Variants in CCDC15 observed in about 807,000 individuals in gnomAD.
The protein encoded by CCDC15 is coiled-coil domain-containing protein 15.
A neutral mutation model predicts 114.5 loss-of-function variants in CCDC15; 105 were observed. The ratio of observed to expected loss-of-function variants is 0.92; its 90% CI spans 0.78 to 1.08. The LOEUF is 1.08. CCDC15 is among the 50% of genes least tolerant of loss of function. The pLI is 0.00. For missense variants in CCDC15, 1,105 were observed against 1,093.6 expected (o/e 1.01, Z -0.15); for synonymous variants, 334 against 377.8 (o/e 0.88, Z 1.34).
chr11:124,990,386 G>A (rs79595535), intron 8 of CCDC15, among the ~76,000 whole-genome samples: 3,825 of 152,246 alleles, frequency 0.025, 167 homozygotes, highest in African/African-American at 0.087. Context: ...CTGAACTATT[G>A]TGAAAATTTC....
At chr11:125,029,183 A>G (rs1169897680) in intron 13 of CCDC15, among the ~76,000 whole-genome samples, 1 of 152,124 alleles carries the variant, frequency 6.6e-6, no homozygotes, top group Non-Finnish European at 1.5e-5. Flanking sequence ...GCCCTTCCCA[A>G]CCCACTGACT....
intron 4 of CCDC15, among the ~76,000 whole-genome samples, chr11:124,961,563 A>G (rs769714071): frequency 6.6e-6 from 1 of 152,190 alleles, no homozygotes; most frequent in Non-Finnish European, 1.5e-5. Context: ...TCTGTTGCCC[A>G]TGCTGTAGTG....
chr11:124,958,986 T>G (rs1236597726), intron 2 of CCDC15, 129 bp from the exon 3 acceptor site: 1 of 566,262 alleles, frequency 1.8e-6, no homozygotes, highest in East Asian at 3.6e-5. Context: ...ACATTCCATT[T>G]TTTTTTGTAC....
chr11:124,990,101 CAT>C (rs1390357179), intron 8 of CCDC15, among the ~76,000 whole-genome samples: 3 of 152,162 alleles, frequency 2.0e-5, no homozygotes, highest in Non-Finnish European at 4.4e-5. Flanking sequence ...AAGTGGGAGA[CAT>C]GTGGTTCTTT....
intron 4 of CCDC15, among the ~76,000 whole-genome samples, chr11:124,962,912 T>C (rs1462659085): frequency 6.6e-6 from 1 of 152,220 alleles, no homozygotes; most frequent in Non-Finnish European, 1.5e-5. Flanking sequence ...TGGTTTTCTG[T>C]CCTTGAGATA....
intron 13 of CCDC15, among the ~76,000 whole-genome samples, chr11:125,025,015 T>TATATATGAATATATATATGAATAC (rs1290551216): frequency 7.0e-6 from 1 of 142,586 alleles, no homozygotes. Flanking sequence ...TATATGAATA[T>TATATATGAATATATATATGAATAC]ATATATGAAT....
Position 124,982,431 on chromosome 11 carries a change from T to G in CCDC15, c.754-4311T>G, listed in dbSNP as rs143001144. Among the ~76,000 whole-genome samples the G allele has an allele frequency of 9.0e-3, 1,375 of 152,354 alleles. 17 individuals are homozygous for G. The highest frequency in any genetic ancestry group is 0.015 in the Non-Finnish European group (1,026 of 68,030). On this transcript the variant is annotated intron_variant, in intron 6 of 15. Transcript: ENST00000344762. ...TTTTTGTAGTGGCCAGTAATAGTCTTTCCTTTCCATATTTAGCACTCTCTG... is the reference window on the plus strand; with the variant it reads ...TTTTTGTAGTGGCCAGTAATAGTCTGTCCTTTCCATATTTAGCACTCTCTG...
chr11:125,008,575 CT>C lies in CCDC15; in HGVS notation c.2411+3365del, dbSNP rs559096751. Among the ~76,000 whole-genome samples, 1,163 of 152,220 alleles carry C rather than the reference CT, an allele frequency of 7.6e-3. 4 individuals are homozygous for C. The highest frequency in any genetic ancestry group is 0.012 in the Non-Finnish European group (816 of 68,010). The stretch of plus-strand genomic sequence containing the variant: ...TGTTAATGAGAGGGTACATCTTTGG[CT>C]TGTTTCTTATCCTAGCAGGTAAACT... On this transcript the variant is annotated intron_variant, in intron 13 of 15. Transcript: ENST00000344762.
rs942040816 is a variant in CCDC15 at position 125,022,421 on chromosome 11, T to C, written c.2412-16010T>C. Among the ~76,000 whole-genome samples the C allele has an allele frequency of 3.3e-5, 5 of 151,964 alleles. 1 individual carries two copies. Among genetic ancestry groups the C allele is most frequent in the African/African-American group, 7.2e-5 (3 of 41,430 alleles). ...TCCTGTACTCAATTTAGATTTACAG[T>C]TGTAGCTCAAGAAAGACTGGTAAAT... On this transcript the variant is annotated intron_variant, in intron 13 of 15. Transcript: ENST00000344762.
chr11:124,973,366 T>A (rs1177291724), intron 4 of CCDC15, among the ~76,000 whole-genome samples: 1 of 151,942 alleles, frequency 6.6e-6, no homozygotes, highest in Non-Finnish European at 1.5e-5. Context: ...TTTTTTTTTT[T>A]ATAATTTCAA....
At chr11:124,995,836 CTTT>C (rs879919474) in intron 11 of CCDC15, among the ~76,000 whole-genome samples, 1 of 144,484 alleles carries the variant, frequency 6.9e-6, no homozygotes. Context: ...GCCTTTTCTC[CTTT>C]TTTTTTTTTG....
intron 13 of CCDC15, among the ~76,000 whole-genome samples, chr11:125,005,792 A>G (rs1402298864): frequency 1.3e-5 from 2 of 152,168 alleles, no homozygotes; most frequent in African/African-American, 4.8e-5. Context: ...AGAACGTCAT[A>G]TAGTTGGAAT....
intron 12 of CCDC15, 41 bp downstream of exon 12, chr11:125,004,000 A>G (rs1030769515): frequency 3.0e-6 from 3 of 1,016,502 alleles, no homozygotes; most frequent in African/African-American, 1.7e-5. Context: ...TATTTCTACT[A>G]TGATAGTATT....
intron 6 of CCDC15, among the ~76,000 whole-genome samples, chr11:124,985,662 AT>A (rs1208627886): frequency 1.3e-5 from 2 of 151,372 alleles, no homozygotes; most frequent in Non-Finnish European, 2.9e-5. Context: ...TGCTTTACCC[AT>A]TTTTTAATTG....
At chr11:124,972,822 C>T (rs1197915563) in intron 4 of CCDC15, among the ~76,000 whole-genome samples, 1 of 152,150 alleles carries the variant, frequency 6.6e-6, no homozygotes. Context: ...ACATCACCTC[C>T]TTTTCTGTAT....
rs751568870 is a variant in CCDC15, at chr11:124,991,469, C to G, written c.1917C>G (p.His639Gln). ...ATTATTTTATCTTTTAGAAAGTACA[C>G]TTTAAGGAGCCATACTCTGATATGA... is the stretch of plus-strand genomic sequence containing the variant. The part of the protein sequence containing the change: ...QDFLPKYQKV[H>Q]FKEPYSDMTD... The change falls in exon 9 of 16, where the codon CAC (histidine) becomes CAG (glutamine). Residue 639 changes from histidine to glutamine, a missense_variant. Physicochemically the swap from His to Gln is conservative, Grantham distance 24. Transcript: ENST00000344762. 4.5e-6 allele frequency: 7 copies of G among 1,557,248 alleles called. 1 individual carries two copies. In the Admixed American group the frequency reaches 1.1e-4, roughly 24 times the overall value.
At chr11:125,000,551 G>GCTT (rs1307805961) in intron 11 of CCDC15, among the ~76,000 whole-genome samples, 5 of 152,146 alleles carry the variant, frequency 3.3e-5, no homozygotes, top group African/African-American at 1.2e-4. Context: ...CCCATAGTGT[G>GCTT]CTTCGTCATT....
intron 6 of CCDC15, among the ~76,000 whole-genome samples, chr11:124,982,208 TA>T (rs1253364934): frequency 6.6e-6 from 1 of 152,216 alleles, no homozygotes; most frequent in African/African-American, 2.4e-5. Flanking sequence ...GAGTCTCTTG[TA>T]GACAGCATAC....
At position 125,040,792 on chromosome 11, in the gene CCDC15, A is replaced by C; in HGVS notation, c.*81A>C. On this transcript the variant is annotated 3_prime_UTR_variant, in exon 16 of 16. Coordinates refer to ENST00000344762, the MANE Select transcript of CCDC15 (RefSeq NM_025004.3). ...GAGAGTATTTAAGAAAAGCTGTTCAAGTTATAAAATATATAATCTGGGAAG... is the reference window on the plus strand; with the variant it reads ...GAGAGTATTTAAGAAAAGCTGTTCACGTTATAAAATATATAATCTGGGAAG... 8.2e-7 allele frequency: 1 copy of C among 1,217,756 alleles called. No homozygotes were observed. The highest frequency in any genetic ancestry group is 2.5e-5 in the East Asian group (1 of 40,462). 75.4% of individuals were successfully genotyped at this position (1,217,756 alleles called of 1,614,324 possible). A position where few individuals can be genotyped will look rare whatever the true frequency, so the allele number is the denominator to read the frequency against.
Sources: gnomAD v4.1 joint callset for allele counts (sites outside exome capture counted in the v4.1 genomes callset) on GRCh38, gnomAD v4.1.1 for gene constraint, MANE v1.5 for transcripts, NCBI Gene and HGNC (gene_info 2026-07-23, HGNC 2026-07-21) for gene names.